Variants in CLMN observed in about 807,000 individuals in gnomAD.
CLMN encodes calmin (calponin-like, transmembrane).
A neutral mutation model predicts 92.7 loss-of-function variants in CLMN; 57 were observed. The observed-to-expected ratio is 0.61, with a 90% CI of 0.50 to 0.77. CLMN has a LOEUF of 0.77. Ranked by LOEUF, CLMN falls within the 30% of genes least tolerant of loss-of-function variation. The pLI is 0.00. For missense variants in CLMN, 1,158 were observed against 1,237.5 expected, an observed-to-expected ratio of 0.94 and a Z score of 0.96; for synonymous variants, 466 against 470.6, an observed-to-expected ratio of 0.99 and a Z score of 0.13.
At chr14:95,204,513 A>C in intron 8 of CLMN, 50 bp from the exon 9 acceptor site, 2 of 1,476,930 alleles carry the variant, frequency 1.4e-6, no homozygotes, top group Non-Finnish European at 1.8e-6. Flanking sequence ...AAAGAACAAC[A>C]ACAAAAAAAA....
In CLMN at chr14:95,221,762, T is replaced by G; in HGVS notation, c.253A>C (p.Lys85Gln). The G allele has an allele frequency of 6.2e-7, 1 of 1,614,204 alleles. No individual in the cohort carries two copies. The change falls in exon 4 of 13, where the codon AAA becomes CAA. Residue 85 changes from lysine to glutamine, a missense_variant. Transcript: ENST00000298912. ...CGAAAAATACGATGCGACGAGGATT[T>G]GTATTCGTGCAGCTATAAAACAGAA... ...LSGRNLLHEY[K>Q]SSSHRIFRLN...
chr14:95,201,187 A>AT (rs1896868969), intron 9 of CLMN, among the ~76,000 whole-genome samples: 1 of 150,144 alleles, frequency 6.7e-6, no homozygotes, highest in African/African-American at 2.5e-5. Context: ...ATATATATAT[A>AT]TTTTTTGTTT....
At chr14:95,306,908 C>A (rs926381631) in intron 1 of CLMN, among the ~76,000 whole-genome samples, 1 of 151,916 alleles carries the variant, frequency 6.6e-6, no homozygotes. Flanking sequence ...GAGCTTAGAA[C>A]CAAAAAATCA....
In CLMN at chr14:95,215,815, C is replaced by CTCTGTG. The variant is rs952789445; in HGVS notation, c.325-83_325-82insCACAGA. The CTCTGTG allele has an allele frequency of 3.1e-4, 178 of 571,840 alleles. No homozygotes were observed. In the East Asian group the frequency reaches 5.0e-3, roughly 16 times the overall value. 35.4% of individuals were successfully genotyped at this position (571,840 alleles called of 1,614,324 possible). ...TTATTTTCTGGTTCTCTCTCTCTCT[C>CTCTGTG]TGTGTGTGTGTGTGTGTGTGTGTGT... On this transcript the variant is annotated intron_variant, in intron 4 of 12. Coordinates refer to ENST00000298912, the MANE Select transcript of CLMN (RefSeq NM_024734.4).
chr14:95,288,443 C>T (rs1294728874), intron 1 of CLMN, among the ~76,000 whole-genome samples: 2 of 152,058 alleles, frequency 1.3e-5, no homozygotes, highest in Non-Finnish European at 2.9e-5. Context: ...ATGCAAAGGC[C>T]GAGAGGTAAG....
At chr14:95,210,611 G>A in intron 7 of CLMN, 75 bp downstream of exon 7, 1 of 1,479,402 alleles carries the variant, frequency 6.8e-7, no homozygotes, top group Admixed American at 2.2e-5. Context: ...GTATTTTCCA[G>A]ATTTTCCACA....
At chr14:95,295,752 C>T (rs979925478) in intron 1 of CLMN, among the ~76,000 whole-genome samples, 1 of 152,182 alleles carries the variant, frequency 6.6e-6, no homozygotes, top group African/African-American at 2.4e-5. Flanking sequence ...GATGAATGAC[C>T]CACAAACAAG....
chr14:95,194,663 AC>A lies in CLMN; in HGVS notation c.2709-68del. 1 of 1,485,480 alleles carries A rather than the reference AC, an allele frequency of 6.7e-7. No homozygotes were observed. Among genetic ancestry groups the A allele is most frequent in the Non-Finnish European group, 9.4e-7 (1 of 1,063,344 alleles). 92.0% of individuals were successfully genotyped at this position (1,485,480 alleles called of 1,614,324 possible). On this transcript the variant is annotated intron_variant, in intron 10 of 12. Transcript: ENST00000298912. The surrounding 1 kb of genome is among the most constrained non-coding windows in gnomAD (Gnocchi z 4.0). ...CTCTTCATGGCTCAGTTGTACGGTC[AC>A]CCCCATCCTGGGGTTTCCACGTATG...
In CLMN at chr14:95,191,352, T is replaced by C. The variant is rs1453442598; in HGVS notation, c.*212A>G. On this transcript the variant is annotated 3_prime_UTR_variant, in exon 13 of 13. Coordinates refer to ENST00000298912, the MANE Select transcript of CLMN (RefSeq NM_024734.4). The surrounding 1 kb of genome is among the most constrained non-coding windows in gnomAD (Gnocchi z 5.3). ...TCCAGCTGCATGCCTGAGTTTTGAGTACACAGCCAAAGAAAAAAGCATGCT... is the reference window on the plus strand; with the variant it reads ...TCCAGCTGCATGCCTGAGTTTTGAGCACACAGCCAAAGAAAAAAGCATGCT... 2 of 400,086 alleles carry C rather than the reference T, an allele frequency of 5.0e-6. No individual in the cohort carries two copies. The highest frequency in any genetic ancestry group is 4.3e-6 in the Non-Finnish European group (1 of 231,130). The allele number at this position is 400,086 out of a possible 1,614,324, so 24.8% of individuals were successfully genotyped here. A position where few individuals can be genotyped will look rare whatever the true frequency, so the allele number is the denominator to read the frequency against.
chr14:95,196,368 T>C (rs67265408), intron 10 of CLMN, 130 bp downstream of exon 10: 54,014 of 872,732 alleles, frequency 0.062, 2,237 homozygotes, highest in African/African-American at 0.16. Context: ...ATGAGGATTG[T>C]GTATGAAGCT....
chr14:95,195,085 T>C (rs936844681), intron 10 of CLMN, among the ~76,000 whole-genome samples: 13 of 152,228 alleles, frequency 8.5e-5, no homozygotes, highest in African/African-American at 3.1e-4. Flanking sequence ...TAACGTCCTA[T>C]TTCCTTGAAG....
At chr14:95,313,167 T>C (rs1450465380) in intron 1 of CLMN, among the ~76,000 whole-genome samples, 2 of 152,126 alleles carry the variant, frequency 1.3e-5, no homozygotes, top group East Asian at 1.9e-4. Flanking sequence ...GATCACACCA[T>C]TGCACTCCAG....
chr14:95,258,871 A>ATG (rs1447452533), intron 1 of CLMN, among the ~76,000 whole-genome samples: 4 of 126,618 alleles, frequency 3.2e-5, no homozygotes, highest in African/African-American at 1.3e-4. Flanking sequence ...TGGTATGTGT[A>ATG]TGTATCTGTG....
intron 1 of CLMN, among the ~76,000 whole-genome samples, chr14:95,251,328 C>G (rs928118652): frequency 6.6e-6 from 1 of 152,162 alleles, no homozygotes; most frequent in Non-Finnish European, 1.5e-5. Context: ...ATATTCTCAC[C>G]GGCCAACCCT....
At chr14:95,236,538 CA>C (rs1898063889) in intron 1 of CLMN, among the ~76,000 whole-genome samples, 1 of 151,824 alleles carries the variant, frequency 6.6e-6, no homozygotes, top group Non-Finnish European at 1.5e-5. Flanking sequence ...GGGCAGAGGC[CA>C]GGGGCACTGC....
At position 95,194,622 on chromosome 14, in the gene CLMN, T is replaced by C. The variant is rs1020040674; in HGVS notation, c.2709-26A>G. On this transcript the variant is annotated intron_variant, in intron 10 of 12. Transcript: ENST00000298912. This position sits in a 1 kb window ranked among gnomAD's most constrained non-coding sequence, Gnocchi z 4.0. ...CTGAAAAACAAACACATGTTTTGAA[T>C]TGGTACCACCTGGAGCTCTTCATGG... The C allele has an allele frequency of 3.1e-6, 5 of 1,611,108 alleles. No individual in the cohort carries two copies. In the African/African-American group the frequency reaches 6.7e-5, roughly 21 times the overall value.
intron 1 of CLMN, among the ~76,000 whole-genome samples, chr14:95,255,760 T>C (rs1898973627): frequency 6.6e-6 from 1 of 152,218 alleles, no homozygotes; most frequent in African/African-American, 2.4e-5. Flanking sequence ...GTATTTAGTG[T>C]AGCACTGACG....
chr14:95,240,133 G>A (rs187939133), intron 1 of CLMN, among the ~76,000 whole-genome samples: 5 of 152,342 alleles, frequency 3.3e-5, no homozygotes, highest in Non-Finnish European at 7.3e-5. Flanking sequence ...ACTCGACAAT[G>A]TTTGTACAAC....
intron 1 of CLMN, among the ~76,000 whole-genome samples, chr14:95,284,530 C>T (rs193300251): frequency 1.8e-4 from 28 of 152,304 alleles, no homozygotes; most frequent in Non-Finnish European, 3.4e-4. Context: ...GAGGCTGTAC[C>T]CTGCAAAGCC....
Sources: gnomAD v4.1 joint callset for allele counts (sites outside exome capture counted in the v4.1 genomes callset) on GRCh38, gnomAD v4.1.1 for gene constraint, Gnocchi (gnomAD v3.1) non-coding constraint, MANE v1.5 for transcripts, NCBI Gene and HGNC (gene_info 2026-07-23, HGNC 2026-07-21) for gene names.